Variants in PRKCE observed in about 807,000 individuals in gnomAD.
PRKCE encodes the protein protein kinase C epsilon.
Under a neutral mutation model 85.4 loss-of-function variants are expected in PRKCE, and 16 were observed. That is an observed-to-expected ratio of 0.19 (90% confidence interval 0.13 to 0.28). The LOEUF (loss-of-function observed/expected upper bound fraction) is 0.28, where lower values mean the gene tolerates loss of function less well. Ranked by LOEUF, PRKCE falls within the 10% of genes least tolerant of loss-of-function variation. PRKCE has a pLI of 1.00. For synonymous variants in PRKCE, 388 were observed against 371.5 expected (o/e 1.04, Z -0.51); for missense variants, 573 against 975.2 (o/e 0.59, Z 5.49).
intron 1 of PRKCE, among the ~76,000 whole-genome samples, chr2:45,754,928 C>A (rs1470805032): frequency 3.9e-5 from 6 of 152,214 alleles, no homozygotes; most frequent in Non-Finnish European, 8.8e-5. Context: ...TGGACAGAGA[C>A]CTGATTGTCA....
intron 6 of PRKCE, among the ~76,000 whole-genome samples, chr2:45,999,473 T>C (rs1168454567): frequency 6.7e-6 from 1 of 150,268 alleles, no homozygotes. Context: ...TAGGTAAAAC[T>C]TTTTTTTTTC....
intron 11 of PRKCE, among the ~76,000 whole-genome samples, chr2:46,121,915 G>T (rs1464259923): frequency 6.6e-6 from 1 of 152,150 alleles, no homozygotes; most frequent in African/African-American, 2.4e-5. Context: ...AGTAAATCAG[G>T]CCAAGGGAAA....
rs115767839 is a variant in PRKCE, at chr2:46,033,618, A to G, written c.1437+23101A>G. 3.1e-3 allele frequency among the ~76,000 whole-genome samples: 465 copies of G among 152,316 alleles called. 2 individuals carry two copies. The highest frequency in any genetic ancestry group is 0.011 in the African/African-American group (443 of 41,564). Reference sequence around the variant, plus strand: ...AGACACCTACTGTTGGAGAGAGTTGACTTTAGAATCAATCAGCAAATGACT... The same window carrying G: ...AGACACCTACTGTTGGAGAGAGTTGGCTTTAGAATCAATCAGCAAATGACT... On this transcript the variant is annotated intron_variant, in intron 10 of 14. Coordinates refer to ENST00000306156, the MANE Select transcript of PRKCE (RefSeq NM_005400.3).
chr2:46,040,310 G>A (rs1708144209), intron 10 of PRKCE, among the ~76,000 whole-genome samples: 1 of 152,224 alleles, frequency 6.6e-6, no homozygotes, highest in South Asian at 2.1e-4. Context: ...CGAGTGGAAA[G>A]CAGGAATTGT....
At chr2:45,792,416 C>T (rs1417698313) in intron 1 of PRKCE, among the ~76,000 whole-genome samples, 3 of 152,176 alleles carry the variant, frequency 2.0e-5, no homozygotes, top group East Asian at 1.9e-4. Flanking sequence ...TCATAGCATA[C>T]GATGAGTGCT....
At chr2:45,848,007 G>A (rs1691935823) in intron 2 of PRKCE, among the ~76,000 whole-genome samples, 1 of 152,176 alleles carries the variant, frequency 6.6e-6, no homozygotes, top group Non-Finnish European at 1.5e-5. Flanking sequence ...TCTTCCTACT[G>A]ACCTGCCCTC....
Position 46,051,053 on chromosome 2 carries a change from C to G in PRKCE, c.1438-35155C>G, listed in dbSNP as rs374077400. Among the ~76,000 whole-genome samples the G allele has an allele frequency of 5.3e-5, 8 of 152,294 alleles. No individual in the cohort carries two copies. The South Asian group carries it at 1.2e-3, about 24-fold the overall frequency. On this transcript the variant is annotated intron_variant, in intron 10 of 14. Transcript: ENST00000306156. ...GGAAGAAGAAAGACAATATGTGCATCGTGTCAGGTGAGAGGAATTAGCTTC... is the reference window on the plus strand; with the variant it reads ...GGAAGAAGAAAGACAATATGTGCATGGTGTCAGGTGAGAGGAATTAGCTTC...
At chr2:45,814,354 G>A (rs1417005365) in intron 1 of PRKCE, among the ~76,000 whole-genome samples, 2 of 152,198 alleles carry the variant, frequency 1.3e-5, no homozygotes, top group Non-Finnish European at 2.9e-5. Flanking sequence ...TCGCAGCCAA[G>A]GGTCGTCGGG....
intron 1 of PRKCE, among the ~76,000 whole-genome samples, chr2:45,657,078 A>T (rs1203822220): frequency 6.6e-6 from 1 of 152,156 alleles, no homozygotes; most frequent in Non-Finnish European, 1.5e-5. Flanking sequence ...TGGCTCGTTC[A>T]CATTTTGGAT....
intron 11 of PRKCE, among the ~76,000 whole-genome samples, chr2:46,107,381 G>A (rs373485133): frequency 5.3e-5 from 8 of 152,158 alleles, no homozygotes; most frequent in African/African-American, 1.9e-4. Flanking sequence ...GGTGGCTCAT[G>A]CCTGTAATCC....
chr2:45,798,250 A>T (rs1484416639), intron 1 of PRKCE, among the ~76,000 whole-genome samples: 1 of 152,242 alleles, frequency 6.6e-6, no homozygotes, highest in Non-Finnish European at 1.5e-5. Context: ...GTTCTAAAAT[A>T]AAAAAGGAAT....
intron 2 of PRKCE, among the ~76,000 whole-genome samples, chr2:45,873,524 C>T (rs1052724024): frequency 6.6e-6 from 1 of 152,094 alleles, no homozygotes; most frequent in Non-Finnish European, 1.5e-5. Flanking sequence ...AGGTATGGCC[C>T]CAGCATGGTG....
Position 45,661,371 on chromosome 2 carries a change from CAG to C in PRKCE, c.348+8924_348+8925del, listed in dbSNP as rs1347129068. Among the ~76,000 whole-genome samples the C allele has an allele frequency of 2.6e-5, 4 of 151,756 alleles. No homozygotes were observed. The South Asian group carries it at 8.4e-4, about 32-fold the overall frequency. ...CTAATTTCTGTATTTTTAGTAGAAA[CAG>C]GGTTTCACCATGTTGGCCAGGGTGG... On this transcript the variant is annotated intron_variant, in intron 1 of 14. Transcript: ENST00000306156.
chr2:45,968,901 C>T (rs780241048), intron 2 of PRKCE, among the ~76,000 whole-genome samples: 1 of 151,904 alleles, frequency 6.6e-6, no homozygotes, highest in South Asian at 2.1e-4. Flanking sequence ...TCCTGTGGTG[C>T]AGACTGAGAA....
chr2:45,809,834 C>T (rs1473864646), intron 1 of PRKCE, among the ~76,000 whole-genome samples: 2 of 150,010 alleles, frequency 1.3e-5, no homozygotes, highest in Non-Finnish European at 3.0e-5. Flanking sequence ...GAGCCAAGAT[C>T]GCACTATTGC....
At chr2:45,909,518 C>T (rs1468327530) in intron 2 of PRKCE, among the ~76,000 whole-genome samples, 4 of 152,162 alleles carry the variant, frequency 2.6e-5, no homozygotes, top group Admixed American at 2.6e-4. Flanking sequence ...TGTATTGTTC[C>T]TAAAGGGCAT....
At chr2:45,744,008 T>C (rs1206769266) in intron 1 of PRKCE, among the ~76,000 whole-genome samples, 5 of 151,646 alleles carry the variant, frequency 3.3e-5, no homozygotes, top group Admixed American at 3.3e-4. Context: ...TTTTTTTTTT[T>C]TTCCAGATAA....
In PRKCE at chr2:45,744,486, T is replaced by TCTTTCTTTC. The variant is rs1558623832; in HGVS notation, c.348+92038_348+92039insCTTTCTTTC. On this transcript the variant is annotated intron_variant, in intron 1 of 14. Coordinates refer to ENST00000306156, the MANE Select transcript of PRKCE (RefSeq NM_005400.3). The stretch of plus-strand genomic sequence containing the variant: ...CTTTCTTTCTTTCTTTCTTTCTTTC[T>TCTTTCTTTC]TTTTCTTTCTTTCTTTTCTTTCTTT... 2.5e-3 allele frequency among the ~76,000 whole-genome samples: 92 copies of TCTTTCTTTC among 37,154 alleles called. 4 individuals are homozygous for TCTTTCTTTC. Among genetic ancestry groups the TCTTTCTTTC allele is most frequent in the South Asian group, 5.4e-3 (5 of 930 alleles). 24.4% of individuals were successfully genotyped at this position (37,154 alleles called of 152,430 possible).
intron 14 of PRKCE, among the ~76,000 whole-genome samples, chr2:46,182,899 G>A (rs375325787): frequency 7.0e-4 from 106 of 152,044 alleles, no homozygotes; most frequent in African/African-American, 2.4e-3. Flanking sequence ...AATTTCTCCC[G>A]TGTCCAGATT....
Sources: gnomAD v4.1 joint callset for allele counts (sites outside exome capture counted in the v4.1 genomes callset) on GRCh38, gnomAD v4.1.1 for gene constraint, MANE v1.5 for transcripts, NCBI Gene and HGNC (gene_info 2026-07-23, HGNC 2026-07-21) for gene names.